OPA3: variants seen among roughly 807,000 people sequenced by gnomAD.
The protein encoded by OPA3 is optic atrophy 3 protein.
OPA3 carries 6 observed loss-of-function variants against 4.0 expected under a neutral mutation model. The ratio of observed to expected loss-of-function variants is 1.51; its 90% CI spans 0.83 to 2.99. The LOEUF is 2.99. Ranked by LOEUF, OPA3 falls within the 30% of genes most tolerant of loss-of-function variation. The probability of loss-of-function intolerance (pLI) is 0.00; values close to 1 mark genes in which losing one functional copy is unlikely to be tolerated. For missense variants in OPA3, 235 were observed against 256.2 expected, an observed-to-expected ratio of 0.92 and a Z score of 0.56; for synonymous variants, 105 against 117.1, an observed-to-expected ratio of 0.90 and a Z score of 0.67.
At chr19:45,576,202 G>A (rs1373252395) in intron 1 of OPA3, among the ~76,000 whole-genome samples, 3 of 150,988 alleles carry the variant, frequency 2.0e-5, no homozygotes, top group Admixed American at 1.3e-4. Context: ...CAGCCTGGGC[G>A]ACCATGTGAG....
At chr19:45,536,909 G>A (rs1261561391) in intron 1 of OPA3, among the ~76,000 whole-genome samples, 1 of 151,950 alleles carries the variant, frequency 6.6e-6, no homozygotes, top group East Asian at 1.9e-4. Flanking sequence ...ATCAAAATAT[G>A]ATAGACACAA....
At chr19:45,539,708 C>T (rs554628746) in intron 1 of OPA3, among the ~76,000 whole-genome samples, 287 of 150,620 alleles carry the variant, frequency 1.9e-3, no homozygotes, top group African/African-American at 6.5e-3. Context: ...GAGCAGACAG[C>T]GCGTCACTGC....
chr19:45,540,418 G>A (rs891202646), intron 1 of OPA3, among the ~76,000 whole-genome samples: 2 of 152,058 alleles, frequency 1.3e-5, no homozygotes, highest in South Asian at 2.1e-4. Context: ...AACCAGGCCA[G>A]GACACGGTGG....
intron 1 of OPA3, among the ~76,000 whole-genome samples, chr19:45,568,410 G>C (rs556461220): frequency 6.6e-6 from 1 of 151,910 alleles, no homozygotes; most frequent in Non-Finnish European, 1.5e-5. Flanking sequence ...GGCTGGTCTC[G>C]AACTCCTGAC....
rs1969322813 is a variant in OPA3 at position 45,550,907 on chromosome 19, C to T, written c.*2607G>A. On this transcript the variant is annotated 3_prime_UTR_variant, in exon 2 of 2. Transcript: ENST00000263275. ...CCAGTAGAAAAGGGTGGTTCCTAGACTGTTCCTCTCAGCTAGCAGGAAGGC... is the reference window on the plus strand; with the variant it reads ...CCAGTAGAAAAGGGTGGTTCCTAGATTGTTCCTCTCAGCTAGCAGGAAGGC... The T allele has an allele frequency of 1.0e-6, 1 of 985,688 alleles. No homozygotes were observed. The highest frequency in any genetic ancestry group is 6.2e-5 in the Admixed American group (1 of 16,258). 61.1% of individuals were successfully genotyped at this position (985,688 alleles called of 1,614,324 possible). A position where few individuals can be genotyped will look rare whatever the true frequency, so the allele number is the denominator to read the frequency against.
exon 2 of OPA3, chr19:45,527,740 C>T (rs951020638): frequency 2.0e-5 from 3 of 152,156 alleles, no homozygotes; most frequent in African/African-American, 7.2e-5. Flanking sequence ...ATTTTGCAGA[C>T]GCACATTATG....
chr19:45,531,089 C>T (rs1969056747), intron 1 of OPA3, among the ~76,000 whole-genome samples: 1 of 151,586 alleles, frequency 6.6e-6, no homozygotes, highest in Non-Finnish European at 1.5e-5. Context: ...CACACCCAGC[C>T]TATTTTTTTT....
At chr19:45,559,397 C>CTTTTTTTT (rs71338781) in intron 1 of OPA3, among the ~76,000 whole-genome samples, 8 of 59,908 alleles carry the variant, frequency 1.3e-4, no homozygotes, top group Non-Finnish European at 1.5e-4. Context: ...CTTTTTCTTT[C>CTTTTTTTT]TTTTTTTTTT....
In OPA3 at chr19:45,535,759, TTTC is replaced by T. The variant is rs1428294788; in HGVS notation, c.143-6306_143-6304del. Among the ~76,000 whole-genome samples the T allele has an allele frequency of 3.6e-4, 39 of 107,524 alleles. 1 individual carries two copies. Among genetic ancestry groups the T allele is most frequent in the African/African-American group, 1.6e-3 (39 of 25,012 alleles). The allele number at this position is 107,524 out of a possible 152,430, so 70.5% of individuals were successfully genotyped here. On this transcript the variant is annotated intron_variant, in intron 1 of 1. Transcript: ENST00000323060. ...TTGAACATAATAACTGTTTTTTTCT[TTTC>T]TTTTTTTTTTTTTTTTTTAAGAGTT... is the stretch of plus-strand genomic sequence containing the variant.
chr19:45,546,785 C>G lies in OPA3; in HGVS notation c.*6729G>C, dbSNP rs552769108. 1 of 152,280 alleles carries G rather than the reference C, an allele frequency of 6.6e-6. No homozygotes were observed. The highest frequency in any genetic ancestry group is 2.4e-5 in the African/African-American group (1 of 41,554). 9.4% of individuals were successfully genotyped at this position (152,280 alleles called of 1,614,324 possible). On this transcript the variant is annotated 3_prime_UTR_variant, in exon 2 of 2. Coordinates refer to ENST00000263275, the MANE Select transcript of OPA3 (RefSeq NM_025136.4). ...GGCTCAAGCAATTCTCCTATGTCAG[C>G]CTCTCATGTAGCTGGGATTACAGAT...
Position 45,551,819 on chromosome 19 carries a change from A to C in OPA3, c.*1695T>G. ...GTCAGTCCAGAGCTCCGAGGAAAGAAAGCAAGAGCACACAGATTAGGAGAC... is the reference window on the plus strand; with the variant it reads ...GTCAGTCCAGAGCTCCGAGGAAAGACAGCAAGAGCACACAGATTAGGAGAC... On this transcript the variant is annotated 3_prime_UTR_variant, in exon 2 of 2. Coordinates refer to ENST00000263275, the MANE Select transcript of OPA3 (RefSeq NM_025136.4). The C allele has an allele frequency of 1.0e-6, 1 of 985,548 alleles. No individual in the cohort carries two copies. Among genetic ancestry groups the C allele is most frequent in the Non-Finnish European group, 1.2e-6 (1 of 830,012 alleles). 61.1% of individuals were successfully genotyped at this position (985,548 alleles called of 1,614,324 possible). A position where few individuals can be genotyped will look rare whatever the true frequency, so the allele number is the denominator to read the frequency against.
chr19:45,573,943 A>C (rs1260326865), intron 1 of OPA3, among the ~76,000 whole-genome samples: 1 of 152,154 alleles, frequency 6.6e-6, no homozygotes, highest in Non-Finnish European at 1.5e-5. Flanking sequence ...CGGGCGGATC[A>C]CTTGAGGTCA....
chr19:45,537,960 G>C (rs532515769), intron 1 of OPA3, among the ~76,000 whole-genome samples: 15 of 152,004 alleles, frequency 9.9e-5, no homozygotes, highest in Non-Finnish European at 2.1e-4. Flanking sequence ...TGGGTGTGGT[G>C]GTGTGTGCCT....
chr19:45,580,526 C>T (rs1198830332), intron 1 of OPA3, among the ~76,000 whole-genome samples: 2 of 151,210 alleles, frequency 1.3e-5, no homozygotes, highest in Non-Finnish European at 2.9e-5. Context: ...TTCCCGACCT[C>T]AGGTGATCTG....
At chr19:45,582,308 C>T (rs1036797366) in intron 1 of OPA3, among the ~76,000 whole-genome samples, 41 of 151,882 alleles carry the variant, frequency 2.7e-4, no homozygotes, top group East Asian at 1.9e-4. Flanking sequence ...TATAGGCGCC[C>T]GCCACCAAGC....
Position 45,579,633 on chromosome 19 carries a change from A to G in OPA3, c.142+4990T>C, listed in dbSNP as rs542636539. On this transcript the variant is annotated intron_variant, in intron 1 of 1. Coordinates refer to ENST00000263275, the MANE Select transcript of OPA3 (RefSeq NM_025136.4). ...TATCTATAACATCTACGTGACAGCCATGACCCTATGCCAGGCACTGACTTA... is the reference window on the plus strand; with the variant it reads ...TATCTATAACATCTACGTGACAGCCGTGACCCTATGCCAGGCACTGACTTA... Among the ~76,000 whole-genome samples, 140 of 152,298 alleles carry G rather than the reference A, an allele frequency of 9.2e-4. 1 individual carries two copies. Among genetic ancestry groups the G allele is most frequent in the Middle Eastern group, 6.8e-3 (2 of 294 alleles).
rs895824000 is a variant in OPA3 at position 45,574,410 on chromosome 19, A to G, written c.142+10213T>C. Among the ~76,000 whole-genome samples the G allele has an allele frequency of 2.1e-3, 320 of 151,672 alleles. 1 individual carries two copies. The highest frequency in any genetic ancestry group is 7.2e-3 in the African/African-American group (297 of 41,364). ...AGACTCTGTCTCAAAAAAAAAAAAA[A>G]AAAAGAAAAAAAAAACGGATTCCAT... is the stretch of plus-strand genomic sequence containing the variant. On this transcript the variant is annotated intron_variant, in intron 1 of 1. Transcript: ENST00000263275.
chr19:45,567,185 A>C (rs1969595237), intron 1 of OPA3, among the ~76,000 whole-genome samples: 1 of 151,868 alleles, frequency 6.6e-6, no homozygotes, highest in Non-Finnish European at 1.5e-5. Flanking sequence ...CAAAAAATAA[A>C]ATAAATTAGC....
chr19:45,548,858 T>G lies in OPA3; in HGVS notation c.*4656A>C. On this transcript the variant is annotated 3_prime_UTR_variant, in exon 2 of 2. Transcript: ENST00000263275. ...TCGCTCTGTCACCCAGGCTGGAGTA[T>G]AATGGCATGATCTCGGCTCACTGCA... 1.8e-6 allele frequency: 1 copy of G among 563,608 alleles called. No individual in the cohort carries two copies. The highest frequency in any genetic ancestry group is 2.2e-6 in the Non-Finnish European group (1 of 445,454). 34.9% of individuals were successfully genotyped at this position (563,608 alleles called of 1,614,324 possible). A position where few individuals can be genotyped will look rare whatever the true frequency, so the allele number is the denominator to read the frequency against.
Sources: allele counts gnomAD v4.1 joint callset (sites outside exome capture counted in the v4.1 genomes callset), GRCh38; gene constraint gnomAD v4.1.1; transcripts MANE v1.5; gene names NCBI Gene and HGNC (gene_info 2026-07-23, HGNC 2026-07-21).